ATF7IP2: variants seen among roughly 807,000 people sequenced by gnomAD.
The protein encoded by ATF7IP2 is activating transcription factor 7-interacting protein 2.
In ATF7IP2, 42 loss-of-function variants were observed where a neutral mutation model predicts 64.2. The observed-to-expected ratio is 0.65, with a 90% CI of 0.51 to 0.85. The LOEUF (loss-of-function observed/expected upper bound fraction) is 0.85. Among genes scored for constraint, ATF7IP2 ranks in the 40% least tolerant of loss-of-function variants. The pLI, the probability that ATF7IP2 is intolerant of heterozygous loss-of-function variation, is 0.00. For synonymous variants in ATF7IP2, 308 were observed against 272.8 expected, an observed-to-expected ratio of 1.13 and a Z score of -1.27; for missense variants, 933 against 784.2, an observed-to-expected ratio of 1.19 and a Z score of -2.27.
chr16:10,408,467 A>G (rs1397118352), intron 1 of ATF7IP2, among the ~76,000 whole-genome samples: 1 of 152,162 alleles, frequency 6.6e-6, no homozygotes, highest in Non-Finnish European at 1.5e-5. Context: ...GCAGCATAGA[A>G]GTGTTCCATT....
chr16:10,393,038 G>A (rs748007621), intron 1 of ATF7IP2, among the ~76,000 whole-genome samples: 2 of 151,976 alleles, frequency 1.3e-5, no homozygotes, highest in Admixed American at 6.5e-5. Flanking sequence ...GGCCAGGTGC[G>A]ATGGCTCACA....
chr16:10,475,846 GA>G (rs757629052), intron 12 of ATF7IP2, among the ~76,000 whole-genome samples: 10 of 151,562 alleles, frequency 6.6e-5, no homozygotes, highest in Non-Finnish European at 1.3e-4. Flanking sequence ...ACACTCCATT[GA>G]AAAGCATTGT....
intron 1 of ATF7IP2, among the ~76,000 whole-genome samples, chr16:10,400,633 A>G (rs1209444317): frequency 6.6e-6 from 1 of 152,124 alleles, no homozygotes; most frequent in African/African-American, 2.4e-5. Flanking sequence ...GGTTTGTTGT[A>G]TATGGCCTTA....
At position 10,412,010 on chromosome 16, in the gene ATF7IP2, G is replaced by GGTTTTTTTTTTTTTTTTTTTT. The variant is rs1476575065; in HGVS notation, c.-241-2564_-241-2563insGTTTTTTTTTTTTTTTTTTTT. 3.4e-4 allele frequency among the ~76,000 whole-genome samples: 20 copies of GGTTTTTTTTTTTTTTTTTTTT among 58,392 alleles called. 5 individuals carry two copies. The highest frequency in any genetic ancestry group is 1.1e-3 in the South Asian group (2 of 1,896). 38.3% of individuals were successfully genotyped at this position (58,392 alleles called of 152,430 possible). On this transcript the variant is annotated intron_variant, in intron 1 of 13. Coordinates refer to ENST00000562102, the MANE Select transcript of ATF7IP2 (RefSeq NM_001393719.1). ...CTTTTTGTTTCATTTATCTTTTTTT[G>GGTTTTTTTTTTTTTTTTTTTT]TTTTTTTTTTTTTTTTTTTTTTTTT...
chr16:10,478,575 A>C (rs1273757692), intron 12 of ATF7IP2, among the ~76,000 whole-genome samples: 1 of 152,228 alleles, frequency 6.6e-6, no homozygotes, highest in Admixed American at 6.5e-5. Context: ...AGGCATGACC[A>C]TTCAGGACAT....
chr16:10,472,574 G>A (rs2049839912), intron 10 of ATF7IP2, among the ~76,000 whole-genome samples: 2 of 152,162 alleles, frequency 1.3e-5, no homozygotes, highest in South Asian at 4.1e-4. Context: ...TGTCTAGTCA[G>A]TCTGGGTGTG....
chr16:10,436,460 A>C (rs889669426), intron 6 of ATF7IP2, among the ~76,000 whole-genome samples: 1 of 152,156 alleles, frequency 6.6e-6, no homozygotes, highest in Admixed American at 6.5e-5. Context: ...TGAAAGTAAA[A>C]ATGACAATCA....
intron 7 of ATF7IP2, 95 bp downstream of exon 7, chr16:10,438,330 T>A: frequency 7.7e-7 from 1 of 1,299,060 alleles, no homozygotes. Context: ...CTGCAGCCTC[T>A]GCCTTCTGAG....
chr16:10,438,995 G>T (rs2048516386), intron 7 of ATF7IP2, among the ~76,000 whole-genome samples: 2 of 142,280 alleles, frequency 1.4e-5, no homozygotes, highest in African/African-American at 5.2e-5. Flanking sequence ...AGATATTGCA[G>T]TGAGCAGAGA....
At position 10,431,219 on chromosome 16, in the gene ATF7IP2, A is replaced by G. The variant is rs775862931; in HGVS notation, c.599A>G (p.His200Arg). 5.0e-6 allele frequency: 8 copies of G among 1,614,108 alleles called. No individual in the cohort carries two copies. The East Asian group carries it at 1.6e-4, about 31-fold the overall frequency. ...GDKKTDQMVF[H>R]LETNSNSESH... Reference sequence around the variant, plus strand: ...AAGAAAACTGACCAGATGGTTTTCCATTTAGAAACAAACTCCAATTCAGAA... The same window carrying G: ...AAGAAAACTGACCAGATGGTTTTCCGTTTAGAAACAAACTCCAATTCAGAA... The change falls in exon 5 of 14, where the codon CAT becomes CGT. Residue 200 changes from histidine to arginine, a missense_variant. His to Arg is a conservative substitution (Grantham distance 29). Transcript: ENST00000562102.
intron 1 of ATF7IP2, among the ~76,000 whole-genome samples, chr16:10,390,818 T>C (rs545209809): frequency 6.6e-6 from 1 of 152,154 alleles, no homozygotes; most frequent in Admixed American, 6.5e-5. Context: ...TGAAAAAATA[T>C]CTGAGTTTTT....
intron 9 of ATF7IP2, among the ~76,000 whole-genome samples, chr16:10,467,807 C>T (rs537835858): frequency 2.0e-5 from 3 of 152,088 alleles, no homozygotes; most frequent in African/African-American, 7.2e-5. Flanking sequence ...CCCGCCTCGG[C>T]CCCACAAAGT....
At chr16:10,450,625 G>A (rs2048953203) in intron 8 of ATF7IP2, among the ~76,000 whole-genome samples, 1 of 152,028 alleles carries the variant, frequency 6.6e-6, no homozygotes, top group Admixed American at 6.6e-5. Flanking sequence ...TCAGAGACTA[G>A]GATTGCAACC....
chr16:10,431,804 G>T (rs969076439), intron 5 of ATF7IP2, among the ~76,000 whole-genome samples: 16 of 145,088 alleles, frequency 1.1e-4, no homozygotes, highest in Non-Finnish European at 2.0e-4. Flanking sequence ...TTTAAAAATT[G>T]TTGGTAACCC....
chr16:10,444,216 G>A (rs1013794387), intron 8 of ATF7IP2, among the ~76,000 whole-genome samples: 2 of 152,198 alleles, frequency 1.3e-5, no homozygotes, highest in Non-Finnish European at 2.9e-5. Flanking sequence ...GAAAGAAAGA[G>A]GGAGCAAATT....
intron 12 of ATF7IP2, among the ~76,000 whole-genome samples, chr16:10,477,952 T>A (rs1249707491): frequency 2.1e-5 from 3 of 143,352 alleles, no homozygotes; most frequent in South Asian, 2.3e-4. Flanking sequence ...ACAAGGGATG[T>A]GAAGGACCTC....
chr16:10,411,370 TTTGTTG>T (rs3083563), intron 1 of ATF7IP2, among the ~76,000 whole-genome samples: 20 of 141,070 alleles, frequency 1.4e-4, no homozygotes, highest in African/African-American at 4.3e-4. Context: ...TTTTTGGTGT[TTTGTTG>T]TTGTTGTTGT....
At chr16:10,480,671 C>G (rs549055883) in intron 12 of ATF7IP2, among the ~76,000 whole-genome samples, 1 of 150,316 alleles carries the variant, frequency 6.7e-6, no homozygotes, top group Non-Finnish European at 1.5e-5. Flanking sequence ...AAGTGTTTAC[C>G]TTAAGGGGAA....
At chr16:10,464,224 A>G (rs1055196312) in intron 9 of ATF7IP2, among the ~76,000 whole-genome samples, 6 of 152,170 alleles carry the variant, frequency 3.9e-5, no homozygotes, top group Non-Finnish European at 7.3e-5. Context: ...CCTGTCCTTC[A>G]TGTACTTTTG....
Sources: allele counts gnomAD v4.1 joint callset (sites outside exome capture counted in the v4.1 genomes callset), GRCh38; gene constraint gnomAD v4.1.1; transcripts MANE v1.5; gene names NCBI Gene and HGNC (gene_info 2026-07-23, HGNC 2026-07-21).